FAM149B1: variants seen among roughly 807,000 people sequenced by gnomAD.
FAM149B1 encodes family with sequence similarity 149 member B1.
In FAM149B1, 56 loss-of-function variants were observed where a neutral mutation model predicts 75.3. The observed-to-expected ratio is 0.74, with a 90% CI of 0.60 to 0.93. FAM149B1 has a LOEUF of 0.93. Ranked by LOEUF, FAM149B1 falls within the 40% of genes least tolerant of loss-of-function variation. The pLI is 0.00. For missense variants in FAM149B1, 639 were observed against 708.4 expected (o/e 0.90, Z 1.11); for synonymous variants, 259 against 256.1 (o/e 1.01, Z -0.11).
intron 3 of FAM149B1, among the ~76,000 whole-genome samples, chr10:73,179,277 T>A (rs2042337762): frequency 6.6e-6 from 1 of 152,288 alleles, no homozygotes; most frequent in East Asian, 1.9e-4. Context: ...TTTTTATTTC[T>A]ATATCTTTTT....
chr10:73,234,318 T>TAA (rs1350509447), intron 10 of FAM149B1: 2 of 154,176 alleles, frequency 1.3e-5, no homozygotes, highest in African/African-American at 4.8e-5. Flanking sequence ...GTTGCTTTGT[T>TAA]ACTTCTGGGA....
rs2042709948 is a variant in FAM149B1, at chr10:73,192,561, C to T, written c.288C>T (p.Leu96=). 3.9e-6 allele frequency: 6 copies of T among 1,549,770 alleles called. No homozygotes were observed. In the African/African-American group the frequency reaches 4.1e-5, roughly 11 times the overall value. ...GGGGGAATATTTTCTTCTAGGAACT[C>T]GATCAAAATGCCACTGAAAAAGTCC... ...SSDFSWGYGE[L]DQNATEKVQT... Residue 96 remains leucine (L), a synonymous_variant, in exon 4 of 14, where the codon CTC becomes CTT. Transcript: ENST00000242505.
At chr10:73,239,859 C>T (rs957477297) in intron 13 of FAM149B1, among the ~76,000 whole-genome samples, 4 of 152,166 alleles carry the variant, frequency 2.6e-5, no homozygotes, top group African/African-American at 9.7e-5. Flanking sequence ...CTGATTCTAT[C>T]GCATTAACTC....
intron 7 of FAM149B1, among the ~76,000 whole-genome samples, chr10:73,217,332 G>A (rs2043319662): frequency 6.6e-6 from 1 of 152,198 alleles, no homozygotes; most frequent in Non-Finnish European, 1.5e-5. Flanking sequence ...CTGGCTTATA[G>A]TTAGATACAC....
intron 4 of FAM149B1, among the ~76,000 whole-genome samples, chr10:73,193,177 T>C (rs1221291963): frequency 3.9e-5 from 6 of 152,230 alleles, no homozygotes; most frequent in Admixed American, 3.9e-4. Context: ...CTCCATCCCA[T>C]TTTGACTGAT....
chr10:73,243,646 A>C lies in FAM149B1; in HGVS notation c.*2627A>C. The C allele has an allele frequency of 1.6e-6, 2 of 1,268,022 alleles. No homozygotes were observed. The highest frequency in any genetic ancestry group is 2.2e-6 in the Non-Finnish European group (2 of 908,154). The allele number at this position is 1,268,022 out of a possible 1,614,324, so 78.5% of individuals were successfully genotyped here. ...TATGGAGTTTTTTTGGAATGGTGAA[A>C]ATGTCCTACAATTGGTGTTAATAAT... is the stretch of plus-strand genomic sequence containing the variant. On this transcript the variant is annotated 3_prime_UTR_variant, in exon 14 of 14. Transcript: ENST00000242505.
At chr10:73,194,664 T>C (rs1359321694) in intron 5 of FAM149B1, among the ~76,000 whole-genome samples, 2 of 144,552 alleles carry the variant, frequency 1.4e-5, no homozygotes, top group African/African-American at 5.2e-5. Context: ...CACCCAGACT[T>C]TTTTTTTTCT....
intron 7 of FAM149B1, among the ~76,000 whole-genome samples, chr10:73,220,168 G>A (rs1182347537): frequency 6.6e-6 from 1 of 151,840 alleles, no homozygotes; most frequent in Non-Finnish European, 1.5e-5. Flanking sequence ...AGTCATTAGG[G>A]AAGTGCAAAT....
chr10:73,176,159 A>G lies in FAM149B1; in HGVS notation c.152+1368A>G, dbSNP rs559469278. Among the ~76,000 whole-genome samples the G allele has an allele frequency of 5.3e-5, 8 of 152,200 alleles. No homozygotes were observed. The East Asian group carries it at 1.5e-3, about 29-fold the overall frequency. The stretch of plus-strand genomic sequence containing the variant: ...AGACAGTGACAGATGATCAGGCATT[A>G]GATTCCCATAAGGAATGCACAACCT... On this transcript the variant is annotated intron_variant, in intron 2 of 13. Transcript: ENST00000242505.
At chr10:73,208,598 A>G (rs1361233556) in intron 5 of FAM149B1, 21 bp from the exon 6 acceptor site, 3 of 1,455,874 alleles carry the variant, frequency 2.1e-6, no homozygotes, top group Non-Finnish European at 2.8e-6. Context: ...ATTAATATTT[A>G]CTTCTTTTTT....
chr10:73,239,179 C>A, intron 12 of FAM149B1, 133 bp from the exon 13 acceptor site: 1 of 669,494 alleles, frequency 1.5e-6, no homozygotes, highest in Non-Finnish European at 2.6e-6. Flanking sequence ...GTGCACTCAG[C>A]TGACTTTTCC....
chr10:73,179,604 A>C (rs910582838), intron 3 of FAM149B1, among the ~76,000 whole-genome samples: 1 of 150,168 alleles, frequency 6.7e-6, no homozygotes, highest in African/African-American at 2.4e-5. Flanking sequence ...AAGAGGTAGG[A>C]TCTGGAACTC....
rs1458228551 is a variant in FAM149B1, at chr10:73,200,812, C to T, written c.542+7219C>T. 23 of 497,552 alleles carry T rather than the reference C, an allele frequency of 4.6e-5. No individual in the cohort carries two copies. In the Admixed American group the frequency reaches 5.2e-4, roughly 11 times the overall value. The allele number at this position is 497,552 out of a possible 1,614,324, so 30.8% of individuals were successfully genotyped here. On this transcript the variant is annotated intron_variant, in intron 5 of 13. Transcript: ENST00000242505. ...AGTTGGATATACTTTGTGACTTGTA[C>T]AAGGCACCATTAAACAGGCTGTTAT...
intron 2 of FAM149B1, among the ~76,000 whole-genome samples, chr10:73,177,574 C>CAAAAA (rs112060986): frequency 1.1e-4 from 16 of 145,362 alleles, no homozygotes; most frequent in South Asian, 6.5e-4. Context: ...ATTCTGTCTC[C>CAAAAA]AAAAAAAAAA....
At chr10:73,180,514 T>C (rs1157832608) in intron 3 of FAM149B1, among the ~76,000 whole-genome samples, 1 of 152,272 alleles carries the variant, frequency 6.6e-6, no homozygotes, top group Non-Finnish European at 1.5e-5. Context: ...CTCTATATTA[T>C]GATTTGTATC....
chr10:73,189,128 G>C (rs951768610), intron 3 of FAM149B1, among the ~76,000 whole-genome samples: 3 of 152,138 alleles, frequency 2.0e-5, no homozygotes, highest in Non-Finnish European at 4.4e-5. Context: ...TGGCCACGTA[G>C]CATGTAGAAA....
intron 7 of FAM149B1, among the ~76,000 whole-genome samples, chr10:73,215,181 C>A (rs1050536561): frequency 1.3e-5 from 2 of 151,990 alleles, no homozygotes; most frequent in Admixed American, 1.3e-4. Flanking sequence ...CCACCATAAC[C>A]AGCGTATTTT....
intron 5 of FAM149B1, among the ~76,000 whole-genome samples, chr10:73,197,368 G>T (rs771539275): frequency 6.6e-5 from 10 of 152,182 alleles, no homozygotes; most frequent in Non-Finnish European, 1.5e-4. Flanking sequence ...ACACAAAAAT[G>T]AATTAATGTA....
intron 3 of FAM149B1, among the ~76,000 whole-genome samples, chr10:73,190,353 C>G (rs1589148268): frequency 6.6e-6 from 1 of 151,490 alleles, no homozygotes; most frequent in African/African-American, 2.4e-5. Flanking sequence ...AACACAATGG[C>G]TAGCCACAAG....
Sources: gnomAD v4.1 joint callset for allele counts (sites outside exome capture counted in the v4.1 genomes callset) on GRCh38, gnomAD v4.1.1 for gene constraint, MANE v1.5 for transcripts, NCBI Gene and HGNC (gene_info 2026-07-23, HGNC 2026-07-21) for gene names.